Variants in CADPS2 observed in about 807,000 individuals in gnomAD.
CADPS2 encodes the protein calcium-dependent secretion activator 2.
Under a neutral mutation model 172.5 loss-of-function variants are expected in CADPS2, and 93 were observed. The ratio of observed to expected loss-of-function variants is 0.54; its 90% CI spans 0.46 to 0.64. CADPS2 has a LOEUF of 0.64. Ranked by LOEUF, CADPS2 falls within the 30% of genes least tolerant of loss-of-function variation. The pLI is 0.00. For synonymous variants in CADPS2, 546 were observed against 555.2 expected (o/e 0.98, Z 0.23); for missense variants, 1,420 against 1,565.9 (o/e 0.91, Z 1.57).
intron 1 of CADPS2, among the ~76,000 whole-genome samples, chr7:122,865,191 A>G (rs1239090287): frequency 6.6e-6 from 1 of 152,166 alleles, no homozygotes; most frequent in African/African-American, 2.4e-5. Context: ...TAATCTCTGC[A>G]TACACTAGCA....
chr7:122,485,411 T>C (rs778043691), intron 11 of CADPS2, among the ~76,000 whole-genome samples: 4 of 152,296 alleles, frequency 2.6e-5, no homozygotes, highest in South Asian at 2.1e-4. Context: ...TTATTGCTGA[T>C]ATGAAGAAAG....
At chr7:122,713,489 G>A (rs141197579) in intron 2 of CADPS2, among the ~76,000 whole-genome samples, 95 of 152,180 alleles carry the variant, frequency 6.2e-4, no homozygotes, top group Middle Eastern at 3.4e-3. Flanking sequence ...ACAAACTGAT[G>A]TGTGTTCACT....
intron 2 of CADPS2, among the ~76,000 whole-genome samples, chr7:122,735,848 G>A (rs2137759729): frequency 6.6e-6 from 1 of 152,134 alleles, no homozygotes; most frequent in East Asian, 1.9e-4. Flanking sequence ...GGCAAATATA[G>A]AAATTTACAG....
At chr7:122,566,694 T>C (rs1348775020) in intron 7 of CADPS2, among the ~76,000 whole-genome samples, 3 of 152,202 alleles carry the variant, frequency 2.0e-5, no homozygotes, top group Non-Finnish European at 4.4e-5. Context: ...AGAACTTCAC[T>C]CGCTGTAGGA....
intron 8 of CADPS2, among the ~76,000 whole-genome samples, chr7:122,544,268 T>A (rs924171679): frequency 1.4e-4 from 22 of 152,254 alleles, no homozygotes; most frequent in Middle Eastern, 3.4e-3. Flanking sequence ...CAAATAAATG[T>A]ATAGATCAAT....
At chr7:122,845,649 A>C (rs1811796196) in intron 1 of CADPS2, among the ~76,000 whole-genome samples, 1 of 152,192 alleles carries the variant, frequency 6.6e-6, no homozygotes, top group Admixed American at 6.5e-5. Context: ...CACATCAACT[A>C]TCCCACTGCA....
chr7:122,432,382 G>T (rs757086429), intron 17 of CADPS2, among the ~76,000 whole-genome samples: 179 of 152,262 alleles, frequency 1.2e-3, no homozygotes, highest in Middle Eastern at 0.01. Context: ...GCTCATGCTT[G>T]TAATCCCGGC....
At chr7:122,364,413 T>TAAAAAA (rs916412439) in intron 25 of CADPS2, among the ~76,000 whole-genome samples, 5 of 77,904 alleles carry the variant, frequency 6.4e-5, no homozygotes, top group Non-Finnish European at 9.4e-5. Context: ...TGTCTCAAGT[T>TAAAAAA]AAAAAAAAAA....
At chr7:122,725,978 G>T (rs187407219) in intron 2 of CADPS2, among the ~76,000 whole-genome samples, 70 of 151,964 alleles carry the variant, frequency 4.6e-4, no homozygotes, top group Admixed American at 1.2e-3. Context: ...TCCCTAAAAA[G>T]AGTTGGTGTC....
intron 2 of CADPS2, among the ~76,000 whole-genome samples, chr7:122,679,410 C>T (rs970578268): frequency 2.6e-5 from 4 of 152,014 alleles, no homozygotes; most frequent in East Asian, 3.9e-4. Flanking sequence ...CTAGTCAGAC[C>T]GGTTCTCTGC....
chr7:122,437,769 T>A (rs543449073), intron 17 of CADPS2, among the ~76,000 whole-genome samples: 1 of 150,098 alleles, frequency 6.7e-6, no homozygotes, highest in African/African-American at 2.4e-5. Flanking sequence ...TCTAAACATT[T>A]AAAAAATTAG....
In CADPS2 at chr7:122,427,876, T is replaced by C. The variant is rs906333514; in HGVS notation, c.2476+10465A>G. On this transcript the variant is annotated intron_variant, in intron 17 of 29. Coordinates refer to ENST00000449022, the MANE Select transcript of CADPS2 (RefSeq NM_017954.11). Reference sequence around the variant, plus strand: ...ATTTGAGGGAAGAATTTATATCTTATATTATTAAGTCATCCCTCCTAGGTC... The same window carrying C: ...ATTTGAGGGAAGAATTTATATCTTACATTATTAAGTCATCCCTCCTAGGTC... Among the ~76,000 whole-genome samples the C allele has an allele frequency of 7.2e-5, 11 of 152,340 alleles. No individual in the cohort carries two copies. The South Asian group carries it at 1.0e-3, about 14-fold the overall frequency.
chr7:122,361,152 T>C, intron 25 of CADPS2, 139 bp from the exon 26 acceptor site: 1 of 662,102 alleles, frequency 1.5e-6, no homozygotes, highest in Non-Finnish European at 2.6e-6. Context: ...CAGACTAACT[T>C]GTGATGTTTA....
chr7:122,573,624 T>C (rs1587462243), intron 7 of CADPS2, among the ~76,000 whole-genome samples: 1 of 152,194 alleles, frequency 6.6e-6, no homozygotes, highest in Admixed American at 6.5e-5. Context: ...TTTCTAAAAT[T>C]AAAAAATCAT....
intron 2 of CADPS2, chr7:122,698,649 G>T (rs1186616206): frequency 1.5e-5 from 25 of 1,613,864 alleles, no homozygotes; most frequent in Non-Finnish European, 2.1e-5. Context: ...GGCTGAAAAT[G>T]GTATTGGGAT....
chr7:122,720,455 CATGTAT>C (rs2090229695), intron 2 of CADPS2, among the ~76,000 whole-genome samples: 1 of 149,378 alleles, frequency 6.7e-6, no homozygotes, highest in African/African-American at 2.5e-5. Flanking sequence ...TACATATCTA[CATGTAT>C]ATGTAGATAT....
intron 3 of CADPS2, among the ~76,000 whole-genome samples, chr7:122,635,157 T>C (rs1447552689): frequency 6.6e-6 from 1 of 152,192 alleles, no homozygotes. Flanking sequence ...TAGATGTCTA[T>C]TAGGTCCAAT....
chr7:122,380,328 T>C (rs1330207575), intron 24 of CADPS2, among the ~76,000 whole-genome samples: 1 of 152,150 alleles, frequency 6.6e-6, no homozygotes, highest in African/African-American at 2.4e-5. Context: ...TTGTAAAGAC[T>C]AACCCTATCT....
chr7:122,588,478 C>A (rs1239905957), intron 6 of CADPS2, among the ~76,000 whole-genome samples: 1 of 151,822 alleles, frequency 6.6e-6, no homozygotes, highest in East Asian at 1.9e-4. Flanking sequence ...TGCTTGTTGT[C>A]AGGTTTGTCA....
Sources: allele counts gnomAD v4.1 joint callset (sites outside exome capture counted in the v4.1 genomes callset), GRCh38; gene constraint gnomAD v4.1.1; transcripts MANE v1.5; gene names NCBI Gene and HGNC (gene_info 2026-07-23, HGNC 2026-07-21).